TLCD4: variants seen among roughly 807,000 people sequenced by gnomAD.
TLCD4 encodes TLC domain containing 4, also known as TLC domain-containing protein 4.
Under a neutral mutation model 24.2 loss-of-function variants are expected in TLCD4, and 7 were observed. The ratio of observed to expected loss-of-function variants is 0.29; its 90% confidence interval spans 0.16 to 0.54. The LOEUF is 0.54. Among genes scored for constraint, TLCD4 ranks in the 20% least tolerant of loss-of-function variants. The pLI is 0.95. For missense variants in TLCD4, 259 were observed against 313.9 expected, an observed-to-expected ratio of 0.82 and a Z score of 1.32; for synonymous variants, 103 against 106.4, an observed-to-expected ratio of 0.97 and a Z score of 0.20.
upstream of TLCD4, among the ~76,000 whole-genome samples, chr1:95,114,627 C>T (rs532635783): frequency 1.2e-4 from 19 of 152,144 alleles, no homozygotes; most frequent in East Asian, 2.5e-3. Context: ...GTCAGCAGTT[C>T]GGGACCGGCC....
At chr1:95,162,010 A>C (rs992821178) in intron 5 of TLCD4, among the ~76,000 whole-genome samples, 13 of 152,172 alleles carry the variant, frequency 8.5e-5, no homozygotes, top group Non-Finnish European at 2.9e-5. Flanking sequence ...GTAGATGTCT[A>C]TTAGGTCTGC....
intron 1 of TLCD4, among the ~76,000 whole-genome samples, chr1:95,132,705 C>T (rs954476388): frequency 2.0e-5 from 3 of 151,964 alleles, no homozygotes; most frequent in Non-Finnish European, 4.4e-5. Flanking sequence ...GATTTTTCTA[C>T]GTTTAAGTGG....
At chr1:95,105,282 C>A in the TLCD4 span, among the ~76,000 whole-genome samples, 663 of 152,248 alleles carry the variant, frequency 4.4e-3, 5 homozygotes, top group African/African-American at 0.015. Context: ...TATTTTAAGT[C>A]AGGGACTATC....
the TLCD4 span, among the ~76,000 whole-genome samples, chr1:95,104,405 C>T: frequency 6.6e-6 from 1 of 152,098 alleles, no homozygotes; most frequent in African/African-American, 2.4e-5. Context: ...TGGCTCACGC[C>T]TGTAATCCCA....
intron 1 of TLCD4, among the ~76,000 whole-genome samples, chr1:95,131,493 T>G (rs536133594): frequency 6.6e-6 from 1 of 152,044 alleles, no homozygotes; most frequent in South Asian, 2.1e-4. Context: ...CAAATGAAGG[T>G]TTTAAGATGA....
chr1:95,120,495 G>A (rs1006865460), intron 1 of TLCD4, among the ~76,000 whole-genome samples: 2 of 152,196 alleles, frequency 1.3e-5, no homozygotes, highest in Admixed American at 6.5e-5. Context: ...GTGTTTCTTT[G>A]TTCAGAACAT....
the TLCD4 span, among the ~76,000 whole-genome samples, chr1:95,106,212 G>T: frequency 6.6e-6 from 1 of 152,110 alleles, no homozygotes; most frequent in South Asian, 2.1e-4. Flanking sequence ...TGTAACAAAA[G>T]AAACAATTTC....
At chr1:95,121,044 G>C (rs1431088042) in intron 1 of TLCD4, 1 of 152,182 alleles carries the variant, frequency 6.6e-6, no homozygotes, top group African/African-American at 2.4e-5. Context: ...GACTCATCTT[G>C]TGTCTGACAG....
At chr1:95,144,398 T>G (rs1677293176) in intron 2 of TLCD4, among the ~76,000 whole-genome samples, 1 of 152,168 alleles carries the variant, frequency 6.6e-6, no homozygotes, top group Non-Finnish European at 1.5e-5. Context: ...AAGAAAAAAT[T>G]AGTTGTACTT....
chr1:95,172,893 T>C (rs921039589), intron 5 of TLCD4, among the ~76,000 whole-genome samples: 5 of 152,170 alleles, frequency 3.3e-5, no homozygotes, highest in African/African-American at 1.2e-4. Context: ...TTGGAAGTGC[T>C]GGAGTGACTC....
chr1:95,180,347 C>T (rs1471356823), intron 6 of TLCD4, among the ~76,000 whole-genome samples: 1 of 152,086 alleles, frequency 6.6e-6, no homozygotes, highest in Non-Finnish European at 1.5e-5. Context: ...TATCTAAAAG[C>T]TTTGAATCCT....
At chr1:95,109,441 C>T in the TLCD4 span, among the ~76,000 whole-genome samples, 1 of 151,632 alleles carries the variant, frequency 6.6e-6, no homozygotes, top group South Asian at 2.1e-4. Flanking sequence ...TTCAAGTCTA[C>T]TCTTGTGTCC....
chr1:95,124,652 A>G (rs1340716687), intron 1 of TLCD4, among the ~76,000 whole-genome samples: 1 of 152,190 alleles, frequency 6.6e-6, no homozygotes, highest in Admixed American at 6.5e-5. Context: ...GGGACACATG[A>G]GCAATGAAAA....
Position 95,191,542 on chromosome 1 carries a change from T to C in TLCD4, c.474-8T>C, listed in dbSNP as rs773293047. 1 of 1,594,778 alleles carries C rather than the reference T, an allele frequency of 6.3e-7. No individual in the cohort carries two copies. Among genetic ancestry groups the C allele is most frequent in the Non-Finnish European group, 8.5e-7 (1 of 1,171,580 alleles). On this transcript the variant is annotated splice_region_variant and splice_polypyrimidine_tract_variant and intron_variant, in intron 6 of 6. Coordinates refer to ENST00000370203, the MANE Select transcript of TLCD4 (RefSeq NM_152487.3). ...ATAAATGTGATGTTTCTTTAATTCA[T>C]TTTTCAGGTGGTTCTTTGAAGCTCT...
intron 1 of TLCD4, among the ~76,000 whole-genome samples, chr1:95,140,273 A>G (rs1220881847): frequency 6.6e-6 from 1 of 152,126 alleles, no homozygotes; most frequent in Non-Finnish European, 1.5e-5. Context: ...CAGTAGGTTT[A>G]TTTACACCAG....
At chr1:95,148,128 G>A (rs963301597) in intron 2 of TLCD4, among the ~76,000 whole-genome samples, 1 of 152,078 alleles carries the variant, frequency 6.6e-6, no homozygotes, top group African/African-American at 2.4e-5. Flanking sequence ...AGCTACCCTT[G>A]TTTTCTTACA....
chr1:95,109,834 C>A, the TLCD4 span, among the ~76,000 whole-genome samples: 6 of 146,590 alleles, frequency 4.1e-5, no homozygotes, highest in Non-Finnish European at 3.0e-5. Context: ...CTTTTTGTTG[C>A]GATTATGTCT....
At chr1:95,150,461 C>G (rs1245154405) in intron 4 of TLCD4, among the ~76,000 whole-genome samples, 195 bp downstream of exon 4, 1 of 152,124 alleles carries the variant, frequency 6.6e-6, no homozygotes, top group African/African-American at 2.4e-5. Flanking sequence ...CACTGAAGAT[C>G]AGAGTTACAG....
At chr1:95,094,659 A>G in the TLCD4 span, among the ~76,000 whole-genome samples, 1 of 152,142 alleles carries the variant, frequency 6.6e-6, no homozygotes, top group Non-Finnish European at 1.5e-5. Flanking sequence ...GAACCCACCA[A>G]CCTTCCAGGT....
Sources: allele counts gnomAD v4.1 joint callset (sites outside exome capture counted in the v4.1 genomes callset), GRCh38; gene constraint gnomAD v4.1.1; transcripts MANE v1.5; gene names NCBI Gene and HGNC (gene_info 2026-07-23, HGNC 2026-07-21).